The following NFIA variants were observed in gnomAD, a reference collection of about 807,000 sequenced individuals.
NFIA encodes nuclear factor I A, also known as nuclear factor 1 A-type.
In NFIA, 8 loss-of-function variants were observed where a neutral mutation model predicts 62.8. The observed-to-expected ratio is 0.13, with a 90% CI of 0.07 to 0.23. The LOEUF (loss-of-function observed/expected upper bound fraction) is 0.23, where lower values mean the gene tolerates loss of function less well. Ranked by LOEUF, NFIA falls within the 10% of genes least tolerant of loss-of-function variation. The pLI, the probability that NFIA is intolerant of heterozygous loss-of-function variation, is 1.00. For synonymous variants in NFIA, 235 were observed against 238.1 expected, an observed-to-expected ratio of 0.99 and a Z score of 0.12; for missense variants, 410 against 642.1, an observed-to-expected ratio of 0.64 and a Z score of 3.91.
intron 2 of NFIA, among the ~76,000 whole-genome samples, chr1:61,126,597 C>T (rs1646975371): frequency 1.3e-5 from 2 of 151,974 alleles, no homozygotes; most frequent in African/African-American, 4.8e-5. Context: ...TCATCTTTCC[C>T]TGCCTGATTC....
At chr1:61,442,141 GA>G (rs1432509085) in intron 10 of NFIA, among the ~76,000 whole-genome samples, 1 of 152,102 alleles carries the variant, frequency 6.6e-6, no homozygotes, top group Non-Finnish European at 1.5e-5. Context: ...AAGCCCTGAC[GA>G]GGGATGCCAG....
At chr1:61,266,301 C>A (rs1447633509) in intron 2 of NFIA, among the ~76,000 whole-genome samples, 1 of 152,174 alleles carries the variant, frequency 6.6e-6, no homozygotes, top group Non-Finnish European at 1.5e-5. Flanking sequence ...ACCTATTGAC[C>A]TTTCCCAAGA....
chr1:61,254,700 G>A (rs1413666310), intron 2 of NFIA, among the ~76,000 whole-genome samples: 1 of 152,140 alleles, frequency 6.6e-6, no homozygotes, highest in Non-Finnish European at 1.5e-5. Flanking sequence ...CCAGAATTGG[G>A]GTCAGCAACA....
intron 6 of NFIA, 80 bp from the exon 7 acceptor site, chr1:61,383,157 C>T: frequency 6.6e-7 from 1 of 1,525,324 alleles, no homozygotes; most frequent in Admixed American, 1.8e-5. Flanking sequence ...GTTTTTAATT[C>T]TTTAAATGTT....
At chr1:61,443,082 A>AG (rs1667656064) in intron 10 of NFIA, among the ~76,000 whole-genome samples, 2 of 152,230 alleles carry the variant, frequency 1.3e-5, no homozygotes, top group African/African-American at 2.4e-5. Context: ...CAGGGGATTG[A>AG]GAAAAAAGAC....
In NFIA at chr1:61,449,444, T is replaced by G. The variant is rs1003180040; in HGVS notation, c.1513-5859T>G. 8.5e-5 allele frequency among the ~76,000 whole-genome samples: 13 copies of G among 152,190 alleles called. 1 individual carries two copies. Among genetic ancestry groups the G allele is most frequent in the Admixed American group, 6.5e-4 (10 of 15,282 alleles). The stretch of plus-strand genomic sequence containing the variant: ...CTGGGATGAAAACAGGTAATTAAAG[T>G]TTAGCAACTGTGACAGAGGAGAATC... On this transcript the variant is annotated intron_variant, in intron 10 of 10. Transcript: ENST00000403491.
At chr1:61,087,061 C>T (rs1183388967) in intron 1 of NFIA, among the ~76,000 whole-genome samples, 1 of 152,092 alleles carries the variant, frequency 6.6e-6, no homozygotes, top group African/African-American at 2.4e-5. Context: ...GTGGAGGTTA[C>T]TGCTTAATTT....
intron 2 of NFIA, among the ~76,000 whole-genome samples, chr1:61,269,342 TG>T (rs1375195310): frequency 6.6e-6 from 1 of 152,236 alleles, no homozygotes; most frequent in African/African-American, 2.4e-5. Flanking sequence ...AGCTCTGTTT[TG>T]ATACTTAAAT....
chr1:61,330,604 A>G (rs774484976), intron 3 of NFIA, among the ~76,000 whole-genome samples: 4 of 152,038 alleles, frequency 2.6e-5, no homozygotes, highest in Non-Finnish European at 4.4e-5. Flanking sequence ...CCCAATTCCC[A>G]AGTCCTTGCA....
intron 2 of NFIA, among the ~76,000 whole-genome samples, chr1:61,205,578 CGAT>C (rs1019669240): frequency 6.6e-6 from 1 of 152,072 alleles, no homozygotes. Context: ...CAGACCTTGG[CGAT>C]GATCTTGAGC....
chr1:61,337,083 G>A (rs1159499718), intron 4 of NFIA, among the ~76,000 whole-genome samples: 1 of 152,180 alleles, frequency 6.6e-6, no homozygotes, highest in Non-Finnish European at 1.5e-5. Flanking sequence ...TATGTCCTAA[G>A]TGTGTTGTTT....
At chr1:61,152,948 A>G (rs947487737) in intron 2 of NFIA, among the ~76,000 whole-genome samples, 3 of 152,204 alleles carry the variant, frequency 2.0e-5, no homozygotes, top group African/African-American at 7.2e-5. Flanking sequence ...GGCCTTGGCA[A>G]TATAAGCACT....
intron 2 of NFIA, among the ~76,000 whole-genome samples, chr1:61,220,576 A>G (rs1255603455): frequency 6.6e-6 from 1 of 152,226 alleles, no homozygotes; most frequent in African/African-American, 2.4e-5. Flanking sequence ...TTGTAAACAT[A>G]TGAATCCATT....
intron 2 of NFIA, among the ~76,000 whole-genome samples, chr1:61,118,191 CA>C (rs10719154): frequency 0.83 from 108,692 of 131,366 alleles, 44,322 homozygotes; most frequent in Non-Finnish European, 0.89. Flanking sequence ...TCTCAAAGAA[CA>C]AAAAAAAAAA....
chr1:61,201,320 A>G (rs1652475332), intron 2 of NFIA, among the ~76,000 whole-genome samples: 1 of 152,164 alleles, frequency 6.6e-6, no homozygotes, highest in Non-Finnish European at 1.5e-5. Context: ...AATAGTATCA[A>G]CTGACCTGTT....
intron 2 of NFIA, among the ~76,000 whole-genome samples, chr1:61,119,766 T>C (rs550560668): frequency 6.6e-6 from 1 of 152,310 alleles, no homozygotes; most frequent in East Asian, 1.9e-4. Context: ...AAGAAATACT[T>C]ATTATGAGAG....
intron 2 of NFIA, chr1:61,248,835 C>T (rs1162106187): frequency 1.3e-5 from 2 of 152,336 alleles, no homozygotes; most frequent in East Asian, 3.9e-4. Flanking sequence ...ACAACCACTT[C>T]TGAATGCTCA....
chr1:61,111,046 A>G (rs1646686392), intron 2 of NFIA, among the ~76,000 whole-genome samples: 1 of 152,158 alleles, frequency 6.6e-6, no homozygotes, highest in Non-Finnish European at 1.5e-5. Flanking sequence ...ATTAAGACTC[A>G]TTATAGGTTT....
At chr1:61,455,255 G>A (rs781655423) in intron 10 of NFIA, 48 bp from the exon 11 acceptor site, 27 of 1,607,448 alleles carry the variant, frequency 1.7e-5, no homozygotes, top group South Asian at 9.9e-5. Context: ...TAAAACACAC[G>A]TTTTTACAAA....
Sources: allele counts gnomAD v4.1 joint callset (sites outside exome capture counted in the v4.1 genomes callset), GRCh38; gene constraint gnomAD v4.1.1; transcripts MANE v1.5; gene names NCBI Gene and HGNC (gene_info 2026-07-23, HGNC 2026-07-21).